Variants in GNG7 observed in about 807,000 individuals in gnomAD.
GNG7 encodes guanine nucleotide-binding protein G(I)/G(S)/G(O) subunit gamma-7.
Under a neutral mutation model 4.0 loss-of-function variants are expected in GNG7, and 1 was observed. The observed-to-expected ratio is 0.25, with a 90% confidence interval of 0.09 to 1.18. GNG7 has a LOEUF of 1.18. Ranked by LOEUF, GNG7 falls within the 50% of genes most tolerant of loss-of-function variation. GNG7 has a pLI of 0.50. For missense variants in GNG7, 86 were observed against 91.9 expected (o/e 0.94, Z 0.26); for synonymous variants, 34 against 36.9 (o/e 0.92, Z 0.29).
intron 1 of GNG7, among the ~76,000 whole-genome samples, chr19:2,692,322 A>C (rs984883529): frequency 6.6e-6 from 1 of 151,982 alleles, no homozygotes; most frequent in African/African-American, 2.4e-5. Context: ...GTTGTCCATC[A>C]AGTTAGGGAG....
At chr19:2,553,789 A>C (rs191554301) in intron 3 of GNG7, among the ~76,000 whole-genome samples, 1 of 136,744 alleles carries the variant, frequency 7.3e-6, no homozygotes, top group African/African-American at 3.0e-5. Context: ...TATCACACAC[A>C]TGTACGTATC....
chr19:2,553,510 A>G (rs1207274812), intron 3 of GNG7, among the ~76,000 whole-genome samples: 3 of 148,552 alleles, frequency 2.0e-5, no homozygotes, highest in Non-Finnish European at 3.0e-5. Context: ...ACATCTCATT[A>G]CATATATGTA....
Position 2,514,968 on chromosome 19 carries a change from C to CAGAGAGAGAGAG in GNG7, c.*42_*53dup. 8.1e-7 allele frequency: 1 copy of CAGAGAGAGAGAG among 1,238,368 alleles called. No homozygotes were observed. The highest frequency in any genetic ancestry group is 1.9e-5 in the Admixed American group (1 of 53,262). 76.7% of individuals were successfully genotyped at this position (1,238,368 alleles called of 1,614,324 possible). A position where few individuals can be genotyped will look rare whatever the true frequency, so the allele number is the denominator to read the frequency against. On this transcript the variant is annotated 3_prime_UTR_variant, in exon 5 of 5. Coordinates refer to ENST00000382159, the MANE Select transcript of GNG7 (RefSeq NM_052847.3). The stretch of plus-strand genomic sequence containing the variant: ...GCCCTGCCTGAGACAGAGACAGAGA[C>CAGAGAGAGAGAG]AGAGAGAGAGAGAGAGAAAGAGAGA...
chr19:2,588,504 G>T (rs773583956), intron 2 of GNG7, among the ~76,000 whole-genome samples: 2 of 152,314 alleles, frequency 1.3e-5, no homozygotes, highest in East Asian at 3.9e-4. Context: ...CAAAGGGCCC[G>T]TTCCCCCGGC....
chr19:2,518,508 C>CAGCGT (rs1210889830), intron 4 of GNG7, among the ~76,000 whole-genome samples: 1 of 152,190 alleles, frequency 6.6e-6, no homozygotes, highest in East Asian at 1.9e-4. Context: ...CGGCCAGCAG[C>CAGCGT]AGCGTGATGG....
At chr19:2,685,099 G>C (rs996669734) in intron 1 of GNG7, among the ~76,000 whole-genome samples, 5 of 151,976 alleles carry the variant, frequency 3.3e-5, no homozygotes, top group Middle Eastern at 3.4e-3. Context: ...ACTCCAGCCT[G>C]GGTGACAAGA....
intron 3 of GNG7, among the ~76,000 whole-genome samples, chr19:2,527,271 G>A (rs1178969245): frequency 6.6e-6 from 1 of 152,202 alleles, no homozygotes; most frequent in Non-Finnish European, 1.5e-5. Context: ...GACACTATCA[G>A]AACCGGGACC....
At chr19:2,688,650 G>C (rs1179123833) in intron 1 of GNG7, among the ~76,000 whole-genome samples, 2 of 152,126 alleles carry the variant, frequency 1.3e-5, no homozygotes, top group African/African-American at 4.8e-5. Context: ...GTCCCAACCT[G>C]GAAGAACCCC....
intron 2 of GNG7, among the ~76,000 whole-genome samples, chr19:2,619,305 C>T (rs754262222): frequency 5.3e-5 from 8 of 152,198 alleles, no homozygotes; most frequent in Non-Finnish European, 8.8e-5. Context: ...GGCACACGGC[C>T]ACACCCACTT....
Position 2,552,853 on chromosome 19 carries a change from C to CG in GNG7, c.-38+2295_-38+2296insC, listed in dbSNP as rs1419423652. ...CCCCAAACCATCCTCCCGGCTCCACCCCCCCCACCTCCCCACTGTCTGTGG... is the reference window on the plus strand; with the variant it reads ...CCCCAAACCATCCTCCCGGCTCCACCGCCCCCCACCTCCCCACTGTCTGTGG... On this transcript the variant is annotated intron_variant, in intron 3 of 4. Coordinates refer to ENST00000382159, the MANE Select transcript of GNG7 (RefSeq NM_052847.3). 4.5e-5 allele frequency among the ~76,000 whole-genome samples: 6 copies of CG among 134,640 alleles called. No individual in the cohort carries two copies. In the East Asian group the frequency reaches 1.2e-3, roughly 27 times the overall value. The allele number at this position is 134,640 out of a possible 152,430, so 88.3% of individuals were successfully genotyped here. A position where few individuals can be genotyped will look rare whatever the true frequency, so the allele number is the denominator to read the frequency against.
intron 3 of GNG7, among the ~76,000 whole-genome samples, chr19:2,543,221 C>CTCTT (rs1979020804): frequency 8.2e-6 from 1 of 121,702 alleles, no homozygotes; most frequent in African/African-American, 3.2e-5. Flanking sequence ...GCCTGGCCTC[C>CTCTT]TTTTTTTTTT....
At chr19:2,638,224 G>A (rs550851261) in intron 2 of GNG7, among the ~76,000 whole-genome samples, 14 of 151,134 alleles carry the variant, frequency 9.3e-5, no homozygotes, top group South Asian at 2.1e-4. Context: ...TTAGCCGGGC[G>A]TGGTGGCATG....
intron 2 of GNG7, among the ~76,000 whole-genome samples, chr19:2,606,772 C>A (rs1357835382): frequency 1.3e-5 from 2 of 151,302 alleles, no homozygotes; most frequent in Non-Finnish European, 2.9e-5. Flanking sequence ...AGACCAATAA[C>A]ATGCTCGGAT....
In GNG7 at chr19:2,660,844, G is replaced by A. The variant is rs1055230689; in HGVS notation, c.-134-14564C>T. ...TTGCTTGTTCTTTCTTGGGTCATGTGTTCTGGGGGAAGCCAGCTGCCATGT... is the reference window on the plus strand; with the variant it reads ...TTGCTTGTTCTTTCTTGGGTCATGTATTCTGGGGGAAGCCAGCTGCCATGT... On this transcript the variant is annotated intron_variant, in intron 1 of 4. Coordinates refer to ENST00000382159, the MANE Select transcript of GNG7 (RefSeq NM_052847.3). Among the ~76,000 whole-genome samples the A allele has an allele frequency of 7.2e-5, 11 of 152,022 alleles. No homozygotes were observed. In the East Asian group the frequency reaches 1.6e-3, roughly 21 times the overall value.
chr19:2,585,554 A>T (rs1221695403), intron 2 of GNG7, among the ~76,000 whole-genome samples: 2 of 152,214 alleles, frequency 1.3e-5, no homozygotes, highest in African/African-American at 4.8e-5. Flanking sequence ...AAGTATATTG[A>T]AAACAGCCAG....
Position 2,633,281 on chromosome 19 carries a change from C to CA in GNG7, c.-78+12942dup, listed in dbSNP as rs1982209578. Among the ~76,000 whole-genome samples the CA allele has an allele frequency of 6.6e-6, 1 of 152,198 alleles. No homozygotes were observed. Among genetic ancestry groups the CA allele is most frequent in the African/African-American group, 2.4e-5 (1 of 41,452 alleles). On this transcript the variant is annotated intron_variant, in intron 2 of 4. Transcript: ENST00000382159. The surrounding 1 kb of genome is among the most constrained non-coding windows in gnomAD (Gnocchi z 5.9). ...AGGTCAAGCCACAGATTGGCAGAGC[C>CA]ATCCTCTCTGGCCTCCACTCGGCTC...
chr19:2,601,440 A>G (rs979323050), intron 2 of GNG7, among the ~76,000 whole-genome samples: 3 of 152,118 alleles, frequency 2.0e-5, no homozygotes, highest in Non-Finnish European at 4.4e-5. Flanking sequence ...ATACATGTAC[A>G]TGCTTGCAAT....
At chr19:2,630,307 G>T (rs953805761) in intron 2 of GNG7, among the ~76,000 whole-genome samples, 6 of 152,128 alleles carry the variant, frequency 3.9e-5, no homozygotes, top group African/African-American at 1.2e-4. Context: ...CTTGAGTGTG[G>T]GCAGGGCCCG....
In GNG7 at chr19:2,597,956, A is replaced by G. The variant is rs547721872; in HGVS notation, c.-77-42768T>C. Among the ~76,000 whole-genome samples, 4 of 152,190 alleles carry G rather than the reference A, an allele frequency of 2.6e-5. No individual in the cohort carries two copies. In the East Asian group the frequency reaches 7.7e-4, roughly 29 times the overall value. On this transcript the variant is annotated intron_variant, in intron 2 of 4. Transcript: ENST00000382159. ...GGTAAAAAGCAGCTCAGGACTGCCAATGTACAATGCGCTCCATATTGCTGT... is the reference window on the plus strand; with the variant it reads ...GGTAAAAAGCAGCTCAGGACTGCCAGTGTACAATGCGCTCCATATTGCTGT...
Sources: allele counts gnomAD v4.1 joint callset (sites outside exome capture counted in the v4.1 genomes callset), GRCh38; gene constraint gnomAD v4.1.1; non-coding constraint Gnocchi (gnomAD v3.1); transcripts MANE v1.5; gene names NCBI Gene and HGNC (gene_info 2026-07-23, HGNC 2026-07-21).